The following ZNF804A variants were observed in gnomAD, a reference collection of about 807,000 sequenced individuals.
ZNF804A encodes zinc finger protein 804A.
A neutral mutation model predicts 16.5 loss-of-function variants in ZNF804A; 2 were observed. The ratio of observed to expected loss-of-function variants is 0.12; its 90% CI spans 0.05 to 0.38. The LOEUF (loss-of-function observed/expected upper bound fraction) is 0.38, where lower values mean the gene tolerates loss of function less well. Among genes scored for constraint, ZNF804A ranks in the 10% least tolerant of loss-of-function variants. ZNF804A has a pLI of 0.99. For synonymous variants in ZNF804A, 534 were observed against 489.6 expected, an observed-to-expected ratio of 1.09 and a Z score of -1.20; for missense variants, 1,473 against 1,390.7, an observed-to-expected ratio of 1.06 and a Z score of -0.94.
intron 1 of ZNF804A, among the ~76,000 whole-genome samples, chr2:184,707,615 C>T (rs916112986): frequency 3.9e-5 from 6 of 151,970 alleles, no homozygotes; most frequent in African/African-American, 9.7e-5. Flanking sequence ...GCAAAGAACA[C>T]GATTTTATTC....
At chr2:184,914,711 A>T (rs902501338) in intron 2 of ZNF804A, among the ~76,000 whole-genome samples, 3 of 152,154 alleles carry the variant, frequency 2.0e-5, no homozygotes, top group Middle Eastern at 3.4e-3. Flanking sequence ...TATATACATA[A>T]CATTTTTGAA....
intron 1 of ZNF804A, among the ~76,000 whole-genome samples, chr2:184,757,730 A>G (rs982588816): frequency 1.5e-4 from 23 of 152,022 alleles, no homozygotes; most frequent in African/African-American, 5.5e-4. Flanking sequence ...TTAAAATGTT[A>G]TCTGGAGGAT....
intron 1 of ZNF804A, among the ~76,000 whole-genome samples, chr2:184,650,025 C>T (rs1208412007): frequency 6.6e-6 from 1 of 152,000 alleles, no homozygotes; most frequent in Non-Finnish European, 1.5e-5. Context: ...AAACTGTAGG[C>T]CATTATCGCT....
rs76624474 is a variant in ZNF804A at position 184,730,666 on chromosome 2, G to C, written c.111+131596G>C. ...ATTTGCTTCTTTTACTTGGTGCTATGTATTTATGTTTCCTCCATATCTTCT... is the reference window on the plus strand; with the variant it reads ...ATTTGCTTCTTTTACTTGGTGCTATCTATTTATGTTTCCTCCATATCTTCT... On this transcript the variant is annotated intron_variant, in intron 1 of 3. Transcript: ENST00000302277. 9.0e-3 allele frequency among the ~76,000 whole-genome samples: 1,377 copies of C among 152,180 alleles called. 22 individuals carry two copies. Among genetic ancestry groups the C allele is most frequent in the African/African-American group, 0.032 (1,316 of 41,528 alleles).
chr2:184,742,952 C>T (rs1008820553), intron 1 of ZNF804A, among the ~76,000 whole-genome samples: 1 of 151,764 alleles, frequency 6.6e-6, no homozygotes, highest in Non-Finnish European at 1.5e-5. Context: ...CTCATGGAGT[C>T]GACTTTACTC....
chr2:184,836,908 C>G (rs897085570), intron 1 of ZNF804A, among the ~76,000 whole-genome samples: 2 of 151,692 alleles, frequency 1.3e-5, no homozygotes, highest in Admixed American at 1.3e-4. Context: ...ACTTTAAGCA[C>G]TGATAATATC....
At chr2:184,869,873 T>C (rs1044701742) in intron 2 of ZNF804A, among the ~76,000 whole-genome samples, 8 of 152,098 alleles carry the variant, frequency 5.3e-5, no homozygotes, top group African/African-American at 1.9e-4. Context: ...TTCATCCACA[T>C]TCTCTTTGCA....
At chr2:184,823,768 C>T (rs1695119262) in intron 1 of ZNF804A, among the ~76,000 whole-genome samples, 1 of 151,964 alleles carries the variant, frequency 6.6e-6, no homozygotes, top group Non-Finnish European at 1.5e-5. Flanking sequence ...AAACCAAAAA[C>T]CCTTTATATA....
At chr2:184,696,637 AAT>A (rs992908701) in intron 1 of ZNF804A, among the ~76,000 whole-genome samples, 3 of 152,142 alleles carry the variant, frequency 2.0e-5, no homozygotes, top group African/African-American at 7.2e-5. Context: ...GCAAGCAACC[AAT>A]CTTTTAATAA....
At chr2:184,724,910 A>C (rs1466651463) in intron 1 of ZNF804A, among the ~76,000 whole-genome samples, 2 of 151,800 alleles carry the variant, frequency 1.3e-5, no homozygotes, top group African/African-American at 4.8e-5. Flanking sequence ...TGGTAATTTT[A>C]AGGCAGTAGG....
At chr2:184,629,404 A>T (rs1488603207) in intron 1 of ZNF804A, among the ~76,000 whole-genome samples, 1 of 152,140 alleles carries the variant, frequency 6.6e-6, no homozygotes, top group African/African-American at 2.4e-5. Context: ...AGGCACATTG[A>T]TAAAATCAAG....
At chr2:184,631,113 A>C (rs1441707399) in intron 1 of ZNF804A, among the ~76,000 whole-genome samples, 1 of 152,238 alleles carries the variant, frequency 6.6e-6, no homozygotes, top group East Asian at 1.9e-4. Flanking sequence ...TTGTTTATTT[A>C]TTTTGTGAAA....
intron 2 of ZNF804A, among the ~76,000 whole-genome samples, chr2:184,898,672 A>T (rs1220566773): frequency 2.0e-5 from 3 of 152,036 alleles, no homozygotes; most frequent in Non-Finnish European, 4.4e-5. Flanking sequence ...ATAAAGATAG[A>T]ACTTGAAAAT....
chr2:184,788,151 G>T (rs1207017734), intron 1 of ZNF804A, among the ~76,000 whole-genome samples: 2 of 151,724 alleles, frequency 1.3e-5, no homozygotes, highest in African/African-American at 2.4e-5. Context: ...TTTGTTTTAG[G>T]TATGTGGTTT....
chr2:184,718,698 A>G (rs1046220750), intron 1 of ZNF804A, among the ~76,000 whole-genome samples: 1 of 152,126 alleles, frequency 6.6e-6, no homozygotes, highest in Non-Finnish European at 1.5e-5. Flanking sequence ...TCTCACATCC[A>G]GGTCACGCTG....
At chr2:184,707,211 C>T (rs1406743692) in intron 1 of ZNF804A, among the ~76,000 whole-genome samples, 1 of 152,086 alleles carries the variant, frequency 6.6e-6, no homozygotes, top group Non-Finnish European at 1.5e-5. Context: ...ACTCACCTAG[C>T]CACTCTTAAT....
At chr2:184,858,631 TTAAC>T (rs1185660032) in intron 1 of ZNF804A, among the ~76,000 whole-genome samples, 2 of 152,176 alleles carry the variant, frequency 1.3e-5, no homozygotes, top group African/African-American at 2.4e-5. Context: ...TGTGTTTTTG[TTAAC>T]TAATTATTGT....
intron 1 of ZNF804A, among the ~76,000 whole-genome samples, chr2:184,784,102 G>C (rs1466784432): frequency 1.3e-5 from 2 of 151,874 alleles, no homozygotes; most frequent in Non-Finnish European, 2.9e-5. Context: ...GATTCACAGA[G>C]AAACACAAAT....
intron 2 of ZNF804A, among the ~76,000 whole-genome samples, chr2:184,920,258 T>C (rs1685509841): frequency 6.6e-6 from 1 of 152,170 alleles, no homozygotes; most frequent in Non-Finnish European, 1.5e-5. Context: ...AGTGTTGTGG[T>C]TCAGAGAATT....
Sources: gnomAD v4.1 joint callset for allele counts (sites outside exome capture counted in the v4.1 genomes callset) on GRCh38, gnomAD v4.1.1 for gene constraint, MANE v1.5 for transcripts, NCBI Gene and HGNC (gene_info 2026-07-23, HGNC 2026-07-21) for gene names.